Variants in PPP4R3A observed in about 807,000 individuals in gnomAD.
The protein encoded by PPP4R3A is serine/threonine-protein phosphatase 4 regulatory subunit 3A.
Under a neutral mutation model 91.7 loss-of-function variants are expected in PPP4R3A, and 15 were observed. The ratio of observed to expected loss-of-function variants is 0.16; its 90% CI spans 0.11 to 0.25. The LOEUF (loss-of-function observed/expected upper bound fraction) is 0.25, where lower values mean the gene tolerates loss of function less well. Ranked by LOEUF, PPP4R3A falls within the 10% of genes least tolerant of loss-of-function variation. PPP4R3A has a pLI of 1.00. For missense variants in PPP4R3A, 623 were observed against 998.4 expected, an observed-to-expected ratio of 0.62 and a Z score of 5.07; for synonymous variants, 377 against 348.7, an observed-to-expected ratio of 1.08 and a Z score of -0.91.
Position 91,473,064 on chromosome 14 carries a change from T to C in PPP4R3A, c.1470A>G (p.Leu490=). ...TAGGTTTGTCTTCTGTTGTATTTGCTAGTAAAGGAGCAGTGAGAACATGCA... is the reference window on the plus strand; with the variant it reads ...TAGGTTTGTCTTCTGTTGTATTTGCCAGTAAAGGAGCAGTGAGAACATGCA... The part of the protein sequence containing the change: ...HCMHVLTAPL[L]ANTTEDKPSK... The change falls in exon 9 of 15, where the codon CTA becomes CTG. Residue 490 remains leucine (L), a synonymous_variant. Transcript: ENST00000554943. 1 of 1,614,148 alleles carries C rather than the reference T, an allele frequency of 6.2e-7. No individual in the cohort carries two copies. The highest frequency in any genetic ancestry group is 8.5e-7 in the Non-Finnish European group (1 of 1,180,012).
chr14:91,461,704 C>T (rs531419366), intron 13 of PPP4R3A, 97 bp from the exon 14 acceptor site: 62 of 1,208,380 alleles, frequency 5.1e-5, no homozygotes, highest in African/African-American at 2.9e-4. Flanking sequence ...TAGCTTACTA[C>T]GCTGGGTAGA....
intron 10 of PPP4R3A, among the ~76,000 whole-genome samples, chr14:91,469,166 TATAA>T (rs1411912193): frequency 2.7e-5 from 4 of 147,252 alleles, no homozygotes; most frequent in African/African-American, 5.0e-5. Flanking sequence ...TTAAGCAGGA[TATAA>T]ATAACTCCCA....
intron 1 of PPP4R3A, among the ~76,000 whole-genome samples, chr14:91,494,664 A>C (rs991743468): frequency 6.6e-6 from 1 of 152,148 alleles, no homozygotes; most frequent in Non-Finnish European, 1.5e-5. Flanking sequence ...GGAGTTCGAG[A>C]CCAGCCTGGC....
chr14:91,488,558 CT>C (rs1227823648), intron 2 of PPP4R3A, among the ~76,000 whole-genome samples: 1 of 152,122 alleles, frequency 6.6e-6, no homozygotes, highest in Non-Finnish European at 1.5e-5. Flanking sequence ...TTTAGTTTAC[CT>C]TTATAATTCA....
intron 4 of PPP4R3A, among the ~76,000 whole-genome samples, chr14:91,479,538 A>T (rs992056213): frequency 5.1e-5 from 7 of 136,328 alleles, no homozygotes; most frequent in Admixed American, 2.2e-4. Flanking sequence ...TGGCTAATTT[A>T]AAAAAAAAAA....
intron 11 of PPP4R3A, among the ~76,000 whole-genome samples, 183 bp downstream of exon 11, chr14:91,465,067 C>T (rs1008019787): frequency 1.3e-5 from 2 of 152,150 alleles, no homozygotes; most frequent in African/African-American, 4.8e-5. Context: ...CCTGCTATAA[C>T]AGATTTGTAG....
At chr14:91,478,543 G>C (rs754738098) in intron 4 of PPP4R3A, among the ~76,000 whole-genome samples, 3 of 151,428 alleles carry the variant, frequency 2.0e-5, no homozygotes, top group African/African-American at 2.4e-5. Flanking sequence ...TTGGCAGCCA[G>C]TATTTTACAA....
At chr14:91,507,949 C>T (rs930315578) in intron 1 of PPP4R3A, among the ~76,000 whole-genome samples, 1 of 152,072 alleles carries the variant, frequency 6.6e-6, no homozygotes, top group Non-Finnish European at 1.5e-5. Flanking sequence ...GGGCAAAATC[C>T]TGTTTTTATT....
intron 1 of PPP4R3A, among the ~76,000 whole-genome samples, chr14:91,492,912 G>C (rs1179234661): frequency 6.6e-6 from 1 of 152,118 alleles, no homozygotes; most frequent in Non-Finnish European, 1.5e-5. Context: ...AGCTGTGCTA[G>C]TGATACATTC....
chr14:91,460,553 A>T (rs188063903), intron 14 of PPP4R3A, among the ~76,000 whole-genome samples: 3 of 151,904 alleles, frequency 2.0e-5, no homozygotes, highest in South Asian at 2.1e-4. Context: ...CTCAAAAGAA[A>T]AGGGTGGTTG....
intron 1 of PPP4R3A, among the ~76,000 whole-genome samples, chr14:91,497,519 A>G (rs1176189517): frequency 6.6e-6 from 1 of 152,196 alleles, no homozygotes; most frequent in Non-Finnish European, 1.5e-5. Flanking sequence ...ATGAAAATCA[A>G]GAGAGTGCTC....
intron 4 of PPP4R3A, 90 bp from the exon 5 acceptor site, chr14:91,477,076 C>T: frequency 1.1e-6 from 1 of 884,342 alleles, no homozygotes; most frequent in Non-Finnish European, 1.6e-6. Flanking sequence ...ACAGCAATAA[C>T]TATAAAAAGG....
chr14:91,467,126 G>A (rs992696264), intron 10 of PPP4R3A, among the ~76,000 whole-genome samples: 1 of 152,018 alleles, frequency 6.6e-6, no homozygotes, highest in African/African-American at 2.4e-5. Context: ...TTTTTGTTTT[G>A]GTCCTTATTT....
At chr14:91,481,356 AC>A (rs1054187500) in intron 4 of PPP4R3A, among the ~76,000 whole-genome samples, 3 of 152,088 alleles carry the variant, frequency 2.0e-5, no homozygotes, top group African/African-American at 7.2e-5. Flanking sequence ...ATCCCCTCAT[AC>A]CATTTCTTCA....
intron 1 of PPP4R3A, among the ~76,000 whole-genome samples, chr14:91,505,631 T>C (rs1261333722): frequency 6.6e-6 from 1 of 152,216 alleles, no homozygotes; most frequent in Non-Finnish European, 1.5e-5. Flanking sequence ...ATATTTATTT[T>C]GTTCTAAAGA....
At chr14:91,462,648 T>C (rs5020186) in intron 12 of PPP4R3A, 87 bp downstream of exon 12, 1 of 1,479,336 alleles carries the variant, frequency 6.8e-7, no homozygotes, top group Non-Finnish European at 9.4e-7. Context: ...CTGTTCCTTG[T>C]CAAGCCAAAT....
rs1460323635 is a variant in PPP4R3A at position 91,493,272 on chromosome 14, G to GC, written c.143-2471dup. Among the ~76,000 whole-genome samples, 33 of 147,640 alleles carry GC rather than the reference G, an allele frequency of 2.2e-4. 2 individuals carry two copies. Among genetic ancestry groups the GC allele is most frequent in the African/African-American group, 8.4e-4 (32 of 38,060 alleles). The stretch of plus-strand genomic sequence containing the variant: ...GGCATGGTTGCTGTGAGCTGAGATT[G>GC]CATCACTGCAATCCAGCCTGGTCAA... On this transcript the variant is annotated intron_variant, in intron 1 of 14. Coordinates refer to ENST00000554943, the MANE Select transcript of PPP4R3A (RefSeq NM_001366432.2).
chr14:91,501,635 AG>A (rs1890964648), intron 1 of PPP4R3A, among the ~76,000 whole-genome samples: 1 of 151,820 alleles, frequency 6.6e-6, no homozygotes, highest in African/African-American at 2.4e-5. Flanking sequence ...TGGACAAAAG[AG>A]TGAGATCCCG....
At chr14:91,484,906 A>G (rs955395646) in intron 3 of PPP4R3A, among the ~76,000 whole-genome samples, 5 of 152,322 alleles carry the variant, frequency 3.3e-5, no homozygotes, top group African/African-American at 1.2e-4. Flanking sequence ...CAAATTCACA[A>G]AAGATTGTGA....
Sources: allele counts gnomAD v4.1 joint callset (sites outside exome capture counted in the v4.1 genomes callset), GRCh38; gene constraint gnomAD v4.1.1; transcripts MANE v1.5; gene names NCBI Gene and HGNC (gene_info 2026-07-23, HGNC 2026-07-21).